CREB1: variants seen among roughly 807,000 people sequenced by gnomAD.
The protein encoded by CREB1 is cAMP responsive element binding protein 1, also known as cyclic AMP-responsive element-binding protein 1.
CREB1 carries 2 observed loss-of-function variants against 42.0 expected under a neutral mutation model. That is an observed-to-expected ratio of 0.05 (90% CI 0.02 to 0.15). The LOEUF is 0.15. CREB1 is among the 10% of genes least tolerant of loss of function. CREB1 has a pLI of 1.00. For missense variants in CREB1, 199 were observed against 388.9 expected (o/e 0.51, Z 4.11); for synonymous variants, 123 against 139.9 (o/e 0.88, Z 0.85).
At chr2:207,567,716 C>A in intron 4 of CREB1, 153 bp downstream of exon 4, 1 of 499,118 alleles carries the variant, frequency 2.0e-6, no homozygotes, top group African/African-American at 1.9e-5. Flanking sequence ...AAAGTGGAAG[C>A]TTATCCTACA....
Position 207,534,482 on chromosome 2 carries a change from C to G in CREB1, c.-9+4348C>G, listed in dbSNP as rs141094546. ...GAATGCCTGGGATTATAGGCGTGAG[C>G]CACCACGCCCAGCTGGTCTGTTACT... On this transcript the variant is annotated intron_variant, in intron 1 of 7. Transcript: ENST00000353267. 203 of 152,290 alleles carry G rather than the reference C, an allele frequency of 1.3e-3. 1 individual carries two copies. The highest frequency in any genetic ancestry group is 4.7e-3 in the African/African-American group (195 of 41,546). The allele number at this position is 152,290 out of a possible 1,614,324, so 9.4% of individuals were successfully genotyped here.
rs71036931 is a variant in CREB1 at position 207,552,042 on chromosome 2, CAA to C, written c.-8-3562_-8-3561del. Among the ~76,000 whole-genome samples the C allele has an allele frequency of 1.5e-3, 106 of 69,918 alleles. 1 individual carries two copies. Among genetic ancestry groups the C allele is most frequent in the Middle Eastern group, 9.6e-3 (1 of 104 alleles). The allele number at this position is 69,918 out of a possible 152,430, so 45.9% of individuals were successfully genotyped here. On this transcript the variant is annotated intron_variant, in intron 1 of 7. Coordinates refer to ENST00000353267, the MANE Select transcript of CREB1 (RefSeq NM_004379.5). ...GGGCAACAAGAGCGAAACTCCGTCT[CAA>C]AAAAAAAAAAAAAAAAAAAAAAATT...
At chr2:207,558,730 T>C (rs973703137) in intron 2 of CREB1, among the ~76,000 whole-genome samples, 4 of 151,644 alleles carry the variant, frequency 2.6e-5, no homozygotes, top group African/African-American at 7.3e-5. Flanking sequence ...CTGCAACCTC[T>C]GCCCCCTGGG....
chr2:207,561,079 C>T (rs1459900902), intron 3 of CREB1: 1 of 1,592,284 alleles, frequency 6.3e-7, no homozygotes. Context: ...TCAAGTAGGC[C>T]ATAACCCCAG....
intron 4 of CREB1, 65 bp from the exon 5 acceptor site, chr2:207,570,108 TTAACTA>T (rs1412194389): frequency 1.2e-5 from 14 of 1,202,902 alleles, no homozygotes; most frequent in Admixed American, 2.6e-5. Context: ...TTTCTCATCT[TTAACTA>T]TATTTGTATT....
chr2:207,596,595 C>A (rs977784692), intron 7 of CREB1, among the ~76,000 whole-genome samples: 1 of 152,096 alleles, frequency 6.6e-6, no homozygotes, highest in Non-Finnish European at 1.5e-5. Flanking sequence ...CGCCACACCC[C>A]GCTAATTTTT....
At chr2:207,558,643 ATTT>A (rs903929048) in intron 2 of CREB1, among the ~76,000 whole-genome samples, 3 of 132,002 alleles carry the variant, frequency 2.3e-5, no homozygotes, top group East Asian at 4.3e-4. Context: ...CACTAAAGTG[ATTT>A]TTTTTTTTTT....
intron 5 of CREB1, among the ~76,000 whole-genome samples, chr2:207,571,245 C>T (rs2082352465): frequency 6.6e-6 from 1 of 151,944 alleles, no homozygotes; most frequent in Non-Finnish European, 1.5e-5. Context: ...CACAGTGGCT[C>T]ATGCCTGTAT....
chr2:207,535,670 G>C (rs545679863), intron 1 of CREB1, among the ~76,000 whole-genome samples: 6 of 151,852 alleles, frequency 4.0e-5, no homozygotes, highest in African/African-American at 1.4e-4. Context: ...TTTTACCCCC[G>C]TGGGGAAACC....
rs71036937 is a variant in CREB1, at chr2:207,600,238, CAT to C, written c.*3204_*3205del. On this transcript the variant is annotated 3_prime_UTR_variant, in exon 8 of 8. Transcript: ENST00000353267. ...GTGGCATTTGTATAATATATGTGTA[CAT>C]ATATATATATATATATATATATACA... 62,720 of 145,368 alleles carry C rather than the reference CAT, an allele frequency of 0.43. 12,645 individuals are homozygous for C. Among genetic ancestry groups the C allele is most frequent in the African/African-American group, 0.45 (17,039 of 38,274 alleles). 9.0% of individuals were successfully genotyped at this position (145,368 alleles called of 1,614,324 possible).
chr2:207,546,739 CAAAA>C (rs1344404215), intron 1 of CREB1, among the ~76,000 whole-genome samples: 2 of 145,932 alleles, frequency 1.4e-5, no homozygotes, highest in Non-Finnish European at 3.1e-5. Context: ...AAAAAAAAAA[CAAAA>C]AACAACAAAA....
At chr2:207,551,639 A>G (rs2081507488) in intron 1 of CREB1, among the ~76,000 whole-genome samples, 1 of 152,140 alleles carries the variant, frequency 6.6e-6, no homozygotes, top group Non-Finnish European at 1.5e-5. Flanking sequence ...TCTTTGTTAT[A>G]TGTATTAGTA....
At chr2:207,567,603 G>C (rs1363310793) in intron 4 of CREB1, 40 bp downstream of exon 4, 1 of 1,399,450 alleles carries the variant, frequency 7.1e-7, no homozygotes, top group South Asian at 1.2e-5. Flanking sequence ...TGTGGAGGAA[G>C]TCTTAGGTAG....
At chr2:207,567,059 A>G (rs1329440388) in intron 3 of CREB1, among the ~76,000 whole-genome samples, 1 of 152,170 alleles carries the variant, frequency 6.6e-6, no homozygotes, top group Non-Finnish European at 1.5e-5. Flanking sequence ...ATAAGTGTTT[A>G]TACAGTTAAA....
intron 1 of CREB1, among the ~76,000 whole-genome samples, chr2:207,538,735 C>T (rs1173947775): frequency 6.6e-6 from 1 of 152,184 alleles, no homozygotes; most frequent in East Asian, 1.9e-4. Flanking sequence ...TTGACTTATA[C>T]CAATGATGAT....
Position 207,599,315 on chromosome 2 carries a change from G to A in CREB1, c.*2257G>A, listed in dbSNP as rs1479460360. ...AAAGTCACAAATATGTTCACAAGTT[G>A]GAATTATTTATTGAGTCAAAATGTC... On this transcript the variant is annotated 3_prime_UTR_variant, in exon 8 of 8. Coordinates refer to ENST00000353267, the MANE Select transcript of CREB1 (RefSeq NM_004379.5). The A allele has an allele frequency of 9.8e-6, 2 of 204,848 alleles. No homozygotes were observed. Among genetic ancestry groups the A allele is most frequent in the Non-Finnish European group, 2.0e-5 (2 of 100,282 alleles). 12.7% of individuals were successfully genotyped at this position (204,848 alleles called of 1,614,324 possible). A position where few individuals can be genotyped will look rare whatever the true frequency, so the allele number is the denominator to read the frequency against.
intron 7 of CREB1, among the ~76,000 whole-genome samples, chr2:207,596,427 AGTT>A (rs2086171041): frequency 6.6e-6 from 1 of 151,940 alleles, no homozygotes; most frequent in Non-Finnish European, 1.5e-5. Context: ...TTGTTTATGG[AGTT>A]GTTTTTTTGT....
rs2087122860 is a variant in CREB1 at position 207,601,910 on chromosome 2, A to G, written c.*4852A>G. The G allele has an allele frequency of 4.7e-6, 1 of 212,816 alleles. No individual in the cohort carries two copies. Among genetic ancestry groups the G allele is most frequent in the Non-Finnish European group, 9.5e-6 (1 of 105,214 alleles). 13.2% of individuals were successfully genotyped at this position (212,816 alleles called of 1,614,324 possible). A position where few individuals can be genotyped will look rare whatever the true frequency, so the allele number is the denominator to read the frequency against. ...TATTCTTAATGTAATAATGTTGACT[A>G]TTAAGTTGGCTACACAGTCACTGTA... On this transcript the variant is annotated 3_prime_UTR_variant, in exon 8 of 8. Coordinates refer to ENST00000353267, the MANE Select transcript of CREB1 (RefSeq NM_004379.5).
chr2:207,530,388 G>GGGGCGGCGGGCGGC (rs1178876684), intron 1 of CREB1, among the ~76,000 whole-genome samples: 35 of 147,782 alleles, frequency 2.4e-4, no homozygotes, highest in African/African-American at 6.6e-4. Context: ...CTCATGGCGG[G>GGGGCGGCGGGCGGC]GGGCGGCGGG....
Sources: gnomAD v4.1 joint callset for allele counts (sites outside exome capture counted in the v4.1 genomes callset) on GRCh38, gnomAD v4.1.1 for gene constraint, MANE v1.5 for transcripts, NCBI Gene and HGNC (gene_info 2026-07-23, HGNC 2026-07-21) for gene names.